GSK3B: variants seen among roughly 807,000 people sequenced by gnomAD.
GSK3B encodes glycogen synthase kinase-3 beta.
Under a neutral mutation model 56.4 loss-of-function variants are expected in GSK3B, and 15 were observed. The observed-to-expected ratio is 0.27, with a 90% confidence interval of 0.18 to 0.41. The LOEUF (loss-of-function observed/expected upper bound fraction) is 0.41. Among genes scored for constraint, GSK3B ranks in the 10% least tolerant of loss-of-function variants. The pLI is 1.00. For synonymous variants in GSK3B, 181 were observed against 188.9 expected, an observed-to-expected ratio of 0.96 and a Z score of 0.34; for missense variants, 300 against 513.4, an observed-to-expected ratio of 0.58 and a Z score of 4.02.
intron 7 of GSK3B, among the ~76,000 whole-genome samples, chr3:119,887,702 A>G (rs943684602): frequency 6.6e-6 from 1 of 152,096 alleles, no homozygotes; most frequent in Non-Finnish European, 1.5e-5. Context: ...AAGAAACATT[A>G]CCAAAACTTA....
intron 1 of GSK3B, among the ~76,000 whole-genome samples, chr3:120,070,240 C>CAA (rs11341740): frequency 7.6e-6 from 1 of 131,082 alleles, no homozygotes; most frequent in South Asian, 2.4e-4. Context: ...AAACAAAAAA[C>CAA]AAAAAAAAAA....
At chr3:119,874,419 G>A (rs1458070235) in intron 8 of GSK3B, among the ~76,000 whole-genome samples, 1 of 151,944 alleles carries the variant, frequency 6.6e-6, no homozygotes, top group Non-Finnish European at 1.5e-5. Flanking sequence ...ATAAAATAAT[G>A]TGAATGTAGT....
chr3:119,821,367 T>C lies in GSK3B; in HGVS notation c.*5421A>G, dbSNP rs1284569249. On this transcript the variant is annotated 3_prime_UTR_variant, in exon 11 of 11. Coordinates refer to ENST00000264235, the MANE Select transcript of GSK3B (RefSeq NM_001146156.2). The stretch of plus-strand genomic sequence containing the variant: ...TTGAAGCAGCAGTCACATGACCTTA[T>C]ATCTAGCCTTTAGATTAGGCCTGAC... 1 of 152,262 alleles carries C rather than the reference T, an allele frequency of 6.6e-6. No homozygotes were observed. Among genetic ancestry groups the C allele is most frequent in the Non-Finnish European group, 1.5e-5 (1 of 68,050 alleles). The allele number at this position is 152,262 out of a possible 1,614,324, so 9.4% of individuals were successfully genotyped here. A position where few individuals can be genotyped will look rare whatever the true frequency, so the allele number is the denominator to read the frequency against.
Position 120,062,377 on chromosome 3 carries a change from C to G in GSK3B, c.88+30970G>C, listed in dbSNP as rs368725436. ...TATACACTCTCACTCCATCCTAACT[C>G]TGAACTTAGTATCTCCCACTAATAT... On this transcript the variant is annotated intron_variant, in intron 1 of 10. Transcript: ENST00000264235. 5.9e-5 allele frequency among the ~76,000 whole-genome samples: 9 copies of G among 152,296 alleles called. No homozygotes were observed. The East Asian group carries it at 9.6e-4, about 16-fold the overall frequency.
chr3:119,911,633 G>GT (rs1367378908), intron 6 of GSK3B, among the ~76,000 whole-genome samples: 1 of 152,176 alleles, frequency 6.6e-6, no homozygotes, highest in Non-Finnish European at 1.5e-5. Flanking sequence ...AAACTCTGAT[G>GT]TTTAATGTAG....
intron 3 of GSK3B, among the ~76,000 whole-genome samples, chr3:119,928,462 G>C (rs1006405377): frequency 2.0e-5 from 3 of 151,640 alleles, no homozygotes; most frequent in Non-Finnish European, 4.4e-5. Context: ...AAAATTAGCC[G>C]GGCATGGTGG....
rs72969151 is a variant in GSK3B, at chr3:120,010,368, C to A, written c.89-8129G>T. ...TTTTCTTTACCTGTATCTTAGCAGT[C>A]CTAAAAACAGAATCACAGTCTTCTG... On this transcript the variant is annotated intron_variant, in intron 1 of 10. Coordinates refer to ENST00000264235, the MANE Select transcript of GSK3B (RefSeq NM_001146156.2). Among the ~76,000 whole-genome samples the A allele has an allele frequency of 7.2e-3, 1,092 of 152,176 alleles. 8 individuals are homozygous for A. The highest frequency in any genetic ancestry group is 0.025 in the African/African-American group (1,032 of 41,482).
chr3:119,968,297 C>T (rs2057337636), intron 2 of GSK3B, among the ~76,000 whole-genome samples: 2 of 152,114 alleles, frequency 1.3e-5, no homozygotes, highest in Admixed American at 1.3e-4. Context: ...CAGCCTGGAC[C>T]ACTTCTTTAC....
intron 9 of GSK3B, among the ~76,000 whole-genome samples, chr3:119,861,368 A>G (rs1257249730): frequency 6.6e-6 from 1 of 151,920 alleles, no homozygotes; most frequent in African/African-American, 2.4e-5. Context: ...AAAATTAGCC[A>G]GGTATGGTGG....
chr3:119,961,803 T>G (rs1168268745), intron 2 of GSK3B, among the ~76,000 whole-genome samples: 3 of 152,126 alleles, frequency 2.0e-5, no homozygotes, highest in African/African-American at 7.2e-5. Context: ...TACAATGGTG[T>G]TTTCAGCTGT....
In GSK3B at chr3:120,081,016, T is replaced by C. The variant is rs548469507; in HGVS notation, c.88+12331A>G. Among the ~76,000 whole-genome samples the C allele has an allele frequency of 3.4e-4, 52 of 152,236 alleles. 1 individual carries two copies. Among genetic ancestry groups the C allele is most frequent in the Middle Eastern group, 3.4e-3 (1 of 294 alleles). ...GTCAGGTTTCACTGTTATAAATCTC[T>C]CTTCAGTCCTTACCCACTCCAAATA... is the stretch of plus-strand genomic sequence containing the variant. On this transcript the variant is annotated intron_variant, in intron 1 of 10. Coordinates refer to ENST00000264235, the MANE Select transcript of GSK3B (RefSeq NM_001146156.2).
At chr3:119,831,759 T>C (rs920550556) in intron 10 of GSK3B, among the ~76,000 whole-genome samples, 1 of 152,172 alleles carries the variant, frequency 6.6e-6, no homozygotes, top group African/African-American at 2.4e-5. Flanking sequence ...GAGATATAAG[T>C]GCTCTGCAAA....
At chr3:120,063,425 T>C (rs1342686074) in intron 1 of GSK3B, among the ~76,000 whole-genome samples, 1 of 151,796 alleles carries the variant, frequency 6.6e-6, no homozygotes, top group Non-Finnish European at 1.5e-5. Context: ...TGGAACTGTT[T>C]ACATACAAAA....
Position 119,859,186 on chromosome 3 carries a change from A to T in GSK3B, c.1096+4233T>A, listed in dbSNP as rs550767703. The stretch of plus-strand genomic sequence containing the variant: ...CACGAACGTTTTATTTGTGTATATA[A>T]AAAAAAAAAAAAGCATTACCTGTGA... On this transcript the variant is annotated intron_variant, in intron 9 of 10. Transcript: ENST00000264235. Among the ~76,000 whole-genome samples the T allele has an allele frequency of 5.2e-4, 76 of 147,304 alleles. No homozygotes were observed. The East Asian group carries it at 9.5e-3, about 18-fold the overall frequency.
At chr3:119,866,767 T>C (rs2056189213) in intron 8 of GSK3B, 3 of 601,384 alleles carry the variant, frequency 5.0e-6, no homozygotes, top group Non-Finnish European at 8.9e-6. Context: ...TATACAGTTA[T>C]AAACTTTAAA....
chr3:120,078,156 A>C (rs2058382475), intron 1 of GSK3B, among the ~76,000 whole-genome samples: 1 of 151,606 alleles, frequency 6.6e-6, no homozygotes, highest in Non-Finnish European at 1.5e-5. Flanking sequence ...CCCCACCCCA[A>C]CTCCTATGGT....
chr3:119,836,440 T>C (rs1219433004), intron 10 of GSK3B, among the ~76,000 whole-genome samples: 1 of 152,100 alleles, frequency 6.6e-6, no homozygotes, highest in Admixed American at 6.5e-5. Context: ...CCAAGGAAGG[T>C]GAGGGCAATC....
chr3:119,863,334 A>G (rs946260604), intron 9 of GSK3B, 85 bp downstream of exon 9: 19 of 1,119,264 alleles, frequency 1.7e-5, no homozygotes, highest in Admixed American at 1.1e-4. Context: ...TTTGTCCTCC[A>G]CAGATTTTAA....
At chr3:120,006,651 C>A (rs1275330529) in intron 1 of GSK3B, among the ~76,000 whole-genome samples, 1 of 152,198 alleles carries the variant, frequency 6.6e-6, no homozygotes, top group Non-Finnish European at 1.5e-5. Context: ...GAACAACCTG[C>A]TCCTGAATGA....
Sources: allele counts gnomAD v4.1 joint callset (sites outside exome capture counted in the v4.1 genomes callset), GRCh38; gene constraint gnomAD v4.1.1; transcripts MANE v1.5; gene names NCBI Gene and HGNC (gene_info 2026-07-23, HGNC 2026-07-21).